GBE1: variants seen among roughly 807,000 people sequenced by gnomAD.
GBE1 encodes the protein 1,4-alpha-glucan branching enzyme 1.
In GBE1, 70 loss-of-function variants were observed where a neutral mutation model predicts 88.8. The ratio of observed to expected loss-of-function variants is 0.79; its 90% confidence interval spans 0.65 to 0.96. GBE1 has a LOEUF of 0.96. GBE1 is among the 40% of genes least tolerant of loss of function. GBE1 has a pLI of 0.00. For synonymous variants in GBE1, 284 were observed against 300.1 expected (o/e 0.95, Z 0.56); for missense variants, 872 against 871.0 (o/e 1.00, Z -0.01).
At chr3:81,517,140 A>C (rs1240522300) in intron 14 of GBE1, among the ~76,000 whole-genome samples, 1 of 151,552 alleles carries the variant, frequency 6.6e-6, no homozygotes, top group African/African-American at 2.4e-5. Flanking sequence ...CTTTCATAAA[A>C]GGAAGAGTCA....
intron 7 of GBE1, among the ~76,000 whole-genome samples, chr3:81,610,171 A>G (rs1016069931): frequency 6.6e-6 from 1 of 152,150 alleles, no homozygotes; most frequent in Non-Finnish European, 1.5e-5. Context: ...CACTGGTTCA[A>G]ATTTTGAGTT....
intron 2 of GBE1, among the ~76,000 whole-genome samples, chr3:81,694,257 A>G (rs1705561469): frequency 6.6e-6 from 1 of 152,124 alleles, no homozygotes; most frequent in South Asian, 2.1e-4. Flanking sequence ...AGGGAGGGAA[A>G]AAGGGAGGAG....
Position 81,496,210 on chromosome 3 carries a change from C to T in GBE1, c.2052+2900G>A, listed in dbSNP as rs112491941. 3.0e-3 allele frequency among the ~76,000 whole-genome samples: 459 copies of T among 152,344 alleles called. 1 individual carries two copies. Among genetic ancestry groups the T allele is most frequent in the African/African-American group, 0.01 (419 of 41,584 alleles). On this transcript the variant is annotated intron_variant, in intron 15 of 15. Coordinates refer to ENST00000429644, the MANE Select transcript of GBE1 (RefSeq NM_000158.4). The stretch of plus-strand genomic sequence containing the variant: ...GCAGACTGGCAGAGCTCTGCCCTAT[C>T]GCTTTTGGACATTTGTGACATACTC...
At chr3:81,537,935 A>T (rs191844843) in intron 12 of GBE1, among the ~76,000 whole-genome samples, 3 of 152,114 alleles carry the variant, frequency 2.0e-5, no homozygotes, top group Admixed American at 1.3e-4. Context: ...TAACAAATAC[A>T]TAGTTTCCAT....
chr3:81,600,394 A>G (rs902454428), intron 7 of GBE1, among the ~76,000 whole-genome samples: 1 of 152,104 alleles, frequency 6.6e-6, no homozygotes, highest in East Asian at 1.9e-4. Flanking sequence ...GTATGTATTT[A>G]TTTACTTATA....
chr3:81,535,581 T>C (rs1025367066), intron 13 of GBE1, among the ~76,000 whole-genome samples: 41 of 152,050 alleles, frequency 2.7e-4, no homozygotes, highest in African/African-American at 9.4e-4. Context: ...AACAGTGTTG[T>C]GGCTCAGGTT....
intron 2 of GBE1, among the ~76,000 whole-genome samples, chr3:81,680,235 C>T (rs1705318458): frequency 6.6e-6 from 1 of 152,080 alleles, no homozygotes; most frequent in Non-Finnish European, 1.5e-5. Context: ...GGCTCACGCC[C>T]GTAAACCCAG....
At chr3:81,528,788 C>A (rs1702979668) in intron 14 of GBE1, among the ~76,000 whole-genome samples, 1 of 151,992 alleles carries the variant, frequency 6.6e-6, no homozygotes, top group African/African-American at 2.4e-5. Context: ...ATTCATGCAG[C>A]TACTCTTGCT....
chr3:81,490,436 T>TGAGG lies in GBE1; in HGVS notation c.2076_2079dup (p.Ile694ProfsTer69). 1.9e-6 allele frequency: 3 copies of TGAGG among 1,613,264 alleles called. No individual in the cohort carries two copies. The highest frequency in any genetic ancestry group is 2.5e-6 in the Non-Finnish European group (3 of 1,179,450). The stretch of plus-strand genomic sequence containing the variant: ...TTCGGCAGATCCACATTCTGAAGGA[T>TGAGG]GAGGGCCACTCTGCTTGGAATGTAC... On this transcript the variant is annotated frameshift_variant, in exon 16 of 16. Coordinates refer to ENST00000429644, the MANE Select transcript of GBE1 (RefSeq NM_000158.4). LOFTEE classifies it high-confidence loss of function.
intron 1 of GBE1, among the ~76,000 whole-genome samples, chr3:81,756,189 T>C (rs1432743083): frequency 6.6e-6 from 1 of 152,212 alleles, no homozygotes; most frequent in Non-Finnish European, 1.5e-5. Context: ...CTCTGATGAG[T>C]ATGAAAGTAT....
At chr3:81,682,280 T>C (rs1031144910) in intron 2 of GBE1, among the ~76,000 whole-genome samples, 1 of 151,844 alleles carries the variant, frequency 6.6e-6, no homozygotes, top group Non-Finnish European at 1.5e-5. Context: ...CTGGGCAACA[T>C]AACAAGACCC....
intron 15 of GBE1, among the ~76,000 whole-genome samples, chr3:81,491,332 GT>G (rs1702433592): frequency 6.6e-6 from 1 of 152,116 alleles, no homozygotes; most frequent in Admixed American, 6.5e-5. Flanking sequence ...TTTACCATCT[GT>G]TTCCCTCATT....
intron 5 of GBE1, among the ~76,000 whole-genome samples, chr3:81,648,329 T>C (rs1008620492): frequency 6.6e-6 from 1 of 152,140 alleles, no homozygotes; most frequent in Non-Finnish European, 1.5e-5. Flanking sequence ...CTCCTGTTTG[T>C]TATGAAGACA....
chr3:81,647,259 G>C (rs1011104414), intron 5 of GBE1, among the ~76,000 whole-genome samples: 7 of 152,034 alleles, frequency 4.6e-5, no homozygotes, highest in African/African-American at 1.7e-4. Flanking sequence ...CGCCCAGCCT[G>C]CAAGGTAGCT....
intron 3 of GBE1, among the ~76,000 whole-genome samples, chr3:81,660,175 T>C (rs982833739): frequency 6.6e-6 from 1 of 152,224 alleles, no homozygotes; most frequent in Non-Finnish European, 1.5e-5. Context: ...TTCTTGTCAA[T>C]TGATTTTTTT....
Position 81,687,716 on chromosome 3 carries a change from G to GA in GBE1, c.314-16764dup, listed in dbSNP as rs1048319979. Among the ~76,000 whole-genome samples the GA allele has an allele frequency of 1.3e-3, 202 of 152,224 alleles. 1 individual carries two copies. Among genetic ancestry groups the GA allele is most frequent in the African/African-American group, 4.7e-3 (194 of 41,544 alleles). On this transcript the variant is annotated intron_variant, in intron 2 of 15. Transcript: ENST00000429644. ...TTCCCAAAAGCTATGCAAAAGCAGA[G>GA]AAAAAATTAGACTTTACAGATTTAC...
At position 81,500,513 on chromosome 3, in the gene GBE1, G is replaced by A. The variant is rs988715611; in HGVS notation, c.1935-1286C>T. Among the ~76,000 whole-genome samples, 8 of 152,184 alleles carry A rather than the reference G, an allele frequency of 5.3e-5. No homozygotes were observed. In the East Asian group the frequency reaches 7.7e-4, roughly 15 times the overall value. On this transcript the variant is annotated intron_variant, in intron 14 of 15. Coordinates refer to ENST00000429644, the MANE Select transcript of GBE1 (RefSeq NM_000158.4). ...AAACTAAAACAGTACAGTTTAGAGA[G>A]TAATGTTCTAGAATACTTTAAAAAA...
Position 81,761,511 on chromosome 3 carries a change from C to G in GBE1, c.7G>C (p.Ala3Pro). The G allele has an allele frequency of 6.2e-7, 1 of 1,607,496 alleles. No homozygotes were observed. Among genetic ancestry groups the G allele is most frequent in the Non-Finnish European group, 8.5e-7 (1 of 1,177,710 alleles). The part of the protein sequence containing the change: MA[A>P]PMTPAARPED... The stretch of plus-strand genomic sequence containing the variant: ...GGCCGAGCCGCGGGAGTCATCGGAG[C>G]CGCCATATTCCGCCGCAGTCCAAGT... The change falls in exon 1 of 16, where the codon GCT becomes CCT. Residue 3 changes from alanine to proline, a missense_variant. Transcript: ENST00000429644.
chr3:81,653,883 G>C (rs377581617), intron 3 of GBE1, among the ~76,000 whole-genome samples: 3 of 152,176 alleles, frequency 2.0e-5, no homozygotes, highest in African/African-American at 7.2e-5. Context: ...TCATTTACTT[G>C]TACAGATTCT....
Sources: gnomAD v4.1 joint callset for allele counts (sites outside exome capture counted in the v4.1 genomes callset) on GRCh38, gnomAD v4.1.1 for gene constraint, MANE v1.5 for transcripts, NCBI Gene and HGNC (gene_info 2026-07-23, HGNC 2026-07-21) for gene names.